VWC2: variants seen among roughly 807,000 people sequenced by gnomAD.
VWC2 encodes brorin.
In VWC2, 14 loss-of-function variants were observed where a neutral mutation model predicts 29.8. The observed-to-expected ratio is 0.47, with a 90% CI of 0.31 to 0.74. VWC2 has a LOEUF of 0.74. Ranked by LOEUF, VWC2 falls within the 30% of genes least tolerant of loss-of-function variation. VWC2 has a pLI of 0.05. For missense variants in VWC2, 457 were observed against 459.8 expected, an observed-to-expected ratio of 0.99 and a Z score of 0.05; for synonymous variants, 213 against 199.0, an observed-to-expected ratio of 1.07 and a Z score of -0.59.
Position 49,921,125 on chromosome 7 carries a change from T to C in VWC2, c.*8940T>C, listed in dbSNP as rs1793998661. 6.6e-6 allele frequency: 1 copy of C among 152,158 alleles called. No homozygotes were observed. The highest frequency in any genetic ancestry group is 6.5e-5 in the Admixed American group (1 of 15,278). 9.4% of individuals were successfully genotyped at this position (152,158 alleles called of 1,614,324 possible). On this transcript the variant is annotated 3_prime_UTR_variant, in exon 4 of 4. Coordinates refer to ENST00000340652, the MANE Select transcript of VWC2 (RefSeq NM_198570.5). The stretch of plus-strand genomic sequence containing the variant: ...CATATCTGACAGATGGAGAACACTG[T>C]GCTTAGTGTTGAAGATACCAAAGGG...
intron 3 of VWC2, among the ~76,000 whole-genome samples, chr7:49,834,394 G>A (rs691823): frequency 0.16 from 24,446 of 152,106 alleles, 2,406 homozygotes; most frequent in African/African-American, 0.27. Flanking sequence ...ACATTAAGAA[G>A]TCCATGCTGG....
chr7:49,840,657 C>G (rs1328909079), intron 3 of VWC2, among the ~76,000 whole-genome samples: 1 of 152,012 alleles, frequency 6.6e-6, no homozygotes, highest in East Asian at 1.9e-4. Context: ...TTTTTTCTTC[C>G]CATATTACTA....
intron 3 of VWC2, among the ~76,000 whole-genome samples, chr7:49,872,031 G>GA (rs1490160141): frequency 6.8e-6 from 1 of 146,106 alleles, no homozygotes; most frequent in East Asian, 2.0e-4. Flanking sequence ...GTAATATATA[G>GA]AAAAAAATTA....
chr7:49,783,470 A>T (rs975775655), intron 2 of VWC2, among the ~76,000 whole-genome samples: 2 of 152,206 alleles, frequency 1.3e-5, no homozygotes, highest in Non-Finnish European at 2.9e-5. Context: ...GTGAGTTTGC[A>T]TGAAGGATAT....
Position 49,775,405 on chromosome 7 carries a change from C to T in VWC2, c.-31C>T. The T allele has an allele frequency of 2.0e-6, 2 of 1,015,416 alleles. No homozygotes were observed. The allele number at this position is 1,015,416 out of a possible 1,614,324, so 62.9% of individuals were successfully genotyped here. Reference sequence around the variant, plus strand: ...CGACTCGCCCCTCGGCCGCGCTCCCCGCCCGCCCGCCCGCCGGGACGTGGT... The same window carrying T: ...CGACTCGCCCCTCGGCCGCGCTCCCTGCCCGCCCGCCCGCCGGGACGTGGT... On this transcript the variant is annotated 5_prime_UTR_variant, in exon 2 of 4. Transcript: ENST00000340652.
chr7:49,899,118 C>A (rs1169599451), intron 3 of VWC2, among the ~76,000 whole-genome samples: 1 of 151,974 alleles, frequency 6.6e-6, no homozygotes, highest in Non-Finnish European at 1.5e-5. Flanking sequence ...CATAGACTAT[C>A]CCCCCTTATC....
At chr7:49,886,023 C>T (rs752891291) in intron 3 of VWC2, among the ~76,000 whole-genome samples, 3 of 152,160 alleles carry the variant, frequency 2.0e-5, no homozygotes, top group Non-Finnish European at 4.4e-5. Context: ...TGTTGGACAT[C>T]GGAGTGGAGA....
At chr7:49,846,219 A>G (rs1027215605) in intron 3 of VWC2, among the ~76,000 whole-genome samples, 2 of 151,824 alleles carry the variant, frequency 1.3e-5, no homozygotes, top group South Asian at 2.1e-4. Context: ...ATTTGGTGCA[A>G]AGAGTCGCCC....
chr7:49,781,096 A>T (rs1788167605), intron 2 of VWC2, among the ~76,000 whole-genome samples: 1 of 152,230 alleles, frequency 6.6e-6, no homozygotes, highest in Non-Finnish European at 1.5e-5. Context: ...CACCTTCACT[A>T]AGTAAAATGA....
chr7:49,846,262 C>T (rs1789942980), intron 3 of VWC2, among the ~76,000 whole-genome samples: 2 of 152,152 alleles, frequency 1.3e-5, no homozygotes, highest in African/African-American at 4.8e-5. Context: ...CATGTCGCCA[C>T]TTCCTCTGTG....
At position 49,912,353 on chromosome 7, in the gene VWC2, G is replaced by A; in HGVS notation, c.*168G>A. ...AACAGTTACTACAACAGAAGGAAATGGATATATTTCAAAACATCAACAAGA... is the reference window on the plus strand; with the variant it reads ...AACAGTTACTACAACAGAAGGAAATAGATATATTTCAAAACATCAACAAGA... On this transcript the variant is annotated 3_prime_UTR_variant, in exon 4 of 4. Transcript: ENST00000340652. 4 of 623,344 alleles carry A rather than the reference G, an allele frequency of 6.4e-6. No homozygotes were observed. The highest frequency in any genetic ancestry group is 5.8e-5 in the South Asian group (2 of 34,774). 38.6% of individuals were successfully genotyped at this position (623,344 alleles called of 1,614,324 possible).
At chr7:49,785,821 C>A (rs968548813) in intron 2 of VWC2, among the ~76,000 whole-genome samples, 3 of 152,086 alleles carry the variant, frequency 2.0e-5, no homozygotes, top group Admixed American at 1.3e-4. Flanking sequence ...CAATAGAGAG[C>A]TGACCACCAA....
At chr7:49,804,249 A>C (rs777349575) in intron 3 of VWC2, among the ~76,000 whole-genome samples, 16 of 151,850 alleles carry the variant, frequency 1.1e-4, no homozygotes, top group Non-Finnish European at 1.9e-4. Context: ...AGTGTTAATT[A>C]CCACTAATTA....
chr7:49,818,618 C>A (rs1330481001), intron 3 of VWC2, among the ~76,000 whole-genome samples: 1 of 151,822 alleles, frequency 6.6e-6, no homozygotes, highest in Non-Finnish European at 1.5e-5. Flanking sequence ...GACCCTGAAG[C>A]AAGGGAGCTG....
intron 3 of VWC2, among the ~76,000 whole-genome samples, chr7:49,878,793 A>G (rs1372001717): frequency 3.3e-5 from 5 of 152,182 alleles, no homozygotes; most frequent in Non-Finnish European, 7.3e-5. Context: ...GTGGGCAACC[A>G]TGCCTGCTTT....
Position 49,912,237 on chromosome 7 carries a change from G to C in VWC2, c.*52G>C, listed in dbSNP as rs771806078. On this transcript the variant is annotated 3_prime_UTR_variant, in exon 4 of 4. Transcript: ENST00000340652. ...TTTTTCTAGAACATTTTACTGATGTGAACATTCTAGATGACTCTGGGAACT... is the reference window on the plus strand; with the variant it reads ...TTTTTCTAGAACATTTTACTGATGTCAACATTCTAGATGACTCTGGGAACT... 4 of 1,596,910 alleles carry C rather than the reference G, an allele frequency of 2.5e-6. No individual in the cohort carries two copies. The highest frequency in any genetic ancestry group is 3.4e-6 in the Non-Finnish European group (4 of 1,167,490).
chr7:49,916,621 C>G lies in VWC2; in HGVS notation c.*4436C>G, dbSNP rs191723038. 3 of 152,284 alleles carry G rather than the reference C, an allele frequency of 2.0e-5. No individual in the cohort carries two copies. In the East Asian group the frequency reaches 5.8e-4, roughly 29 times the overall value. The allele number at this position is 152,284 out of a possible 1,614,324, so 9.4% of individuals were successfully genotyped here. On this transcript the variant is annotated 3_prime_UTR_variant, in exon 4 of 4. Coordinates refer to ENST00000340652, the MANE Select transcript of VWC2 (RefSeq NM_198570.5). Reference sequence around the variant, plus strand: ...CCTTTAGTTTGGGCTGTGAAATATTCAATTCCCAAAACATCACCCAATATC... The same window carrying G: ...CCTTTAGTTTGGGCTGTGAAATATTGAATTCCCAAAACATCACCCAATATC...
chr7:49,830,506 T>C (rs919885587), intron 3 of VWC2, among the ~76,000 whole-genome samples: 6 of 152,206 alleles, frequency 3.9e-5, no homozygotes, highest in African/African-American at 1.4e-4. Context: ...AACGCTACTC[T>C]TTCAGGTTTT....
In VWC2 at chr7:49,871,887, G is replaced by T. The variant is rs1383074447; in HGVS notation, c.827-40147G>T. Among the ~76,000 whole-genome samples the T allele has an allele frequency of 3.4e-5, 4 of 118,698 alleles. No individual in the cohort carries two copies. The East Asian group carries it at 1.2e-3, about 35-fold the overall frequency. 77.9% of individuals were successfully genotyped at this position (118,698 alleles called of 152,430 possible). On this transcript the variant is annotated intron_variant, in intron 3 of 3. Transcript: ENST00000340652. Reference sequence around the variant, plus strand: ...CATATGTGCATATATAATGTTTTTTGTATGTATATGTGTGTATATAAACAC... The same window carrying T: ...CATATGTGCATATATAATGTTTTTTTTATGTATATGTGTGTATATAAACAC...
Sources: allele counts gnomAD v4.1 joint callset (sites outside exome capture counted in the v4.1 genomes callset), GRCh38; gene constraint gnomAD v4.1.1; transcripts MANE v1.5; gene names NCBI Gene and HGNC (gene_info 2026-07-23, HGNC 2026-07-21).